KATNIP: variants seen among roughly 807,000 people sequenced by gnomAD.
KATNIP encodes the protein katanin-interacting protein.
In KATNIP, 126 loss-of-function variants were observed where a neutral mutation model predicts 174.0. The ratio of observed to expected loss-of-function variants is 0.72; its 90% CI spans 0.63 to 0.84. KATNIP has a LOEUF of 0.84. Ranked by LOEUF, KATNIP falls within the 40% of genes least tolerant of loss-of-function variation. KATNIP has a pLI of 0.00. For missense variants in KATNIP, 1,958 were observed against 2,109.7 expected (o/e 0.93, Z 1.41); for synonymous variants, 810 against 835.7 (o/e 0.97, Z 0.53).
rs117282772 is a variant in KATNIP, at chr16:27,695,064, C to T, written c.941-3264C>T. On this transcript the variant is annotated intron_variant, in intron 8 of 27. Coordinates refer to ENST00000261588, the MANE Select transcript of KATNIP (RefSeq NM_015202.5). ...AACTCCTCTCTTCCTATCCCATCCA[C>T]AGCTGGACTGTTAGGAAGTCCTATT... 7.2e-5 allele frequency among the ~76,000 whole-genome samples: 11 copies of T among 152,352 alleles called. No individual in the cohort carries two copies. In the East Asian group the frequency reaches 2.1e-3, roughly 29 times the overall value.
intron 6 of KATNIP, among the ~76,000 whole-genome samples, chr16:27,655,177 G>GATATATATATAT (rs869205308): frequency 5.2e-5 from 2 of 38,548 alleles, no homozygotes; most frequent in Non-Finnish European, 1.2e-4. Context: ...CCCTAGAATG[G>GATATATATATAT]ATATATATAT....
intron 2 of KATNIP, among the ~76,000 whole-genome samples, chr16:27,614,021 A>G (rs533712973): frequency 2.6e-5 from 4 of 151,288 alleles, no homozygotes; most frequent in African/African-American, 7.3e-5. Flanking sequence ...GACTCAAGCA[A>G]CCCTCCTCCT....
chr16:27,612,447 C>G (rs1393419225), intron 2 of KATNIP, among the ~76,000 whole-genome samples: 2 of 152,122 alleles, frequency 1.3e-5, no homozygotes, highest in South Asian at 2.1e-4. Flanking sequence ...TGAGCATTAC[C>G]TGGGAGCTCA....
At chr16:27,667,471 G>A (rs956997581) in intron 6 of KATNIP, among the ~76,000 whole-genome samples, 7 of 152,162 alleles carry the variant, frequency 4.6e-5, no homozygotes, top group African/African-American at 1.4e-4. Flanking sequence ...AGAAGTTAGT[G>A]GGAATTATCA....
At chr16:27,560,824 C>T (rs539583709) in intron 1 of KATNIP, among the ~76,000 whole-genome samples, 1 of 152,270 alleles carries the variant, frequency 6.6e-6, no homozygotes, top group East Asian at 1.9e-4. Flanking sequence ...CAGCACCTGG[C>T]ACAAGGACTG....
intron 1 of KATNIP, among the ~76,000 whole-genome samples, chr16:27,557,987 G>GT (rs1457885449): frequency 6.6e-6 from 1 of 152,124 alleles, no homozygotes; most frequent in Admixed American, 6.5e-5. Flanking sequence ...CTTTAAGAGG[G>GT]AGGTGGGCCT....
intron 18 of KATNIP, chr16:27,754,538 G>A (rs2081643409): frequency 2.6e-6 from 1 of 389,114 alleles, no homozygotes; most frequent in African/African-American, 2.1e-5. Context: ...CCATGACCCT[G>A]ACCCAGGAGG....
chr16:27,560,769 T>C (rs2089849444), intron 1 of KATNIP, among the ~76,000 whole-genome samples: 1 of 152,178 alleles, frequency 6.6e-6, no homozygotes. Flanking sequence ...TCTATGCTTT[T>C]CTCCCTCTTT....
rs779374812 is a variant in KATNIP at position 27,778,667 on chromosome 16, G to A, written c.*38G>A. 6.9e-6 allele frequency: 11 copies of A among 1,599,430 alleles called. No homozygotes were observed. The South Asian group carries it at 1.2e-4, about 18-fold the overall frequency. ...GGAGAGCTGGTCCTCCCACTATGGT[G>A]GGCTCCGTCAGCAGCCCCACTCAGT... On this transcript the variant is annotated 3_prime_UTR_variant, in exon 28 of 28. Coordinates refer to ENST00000261588, the MANE Select transcript of KATNIP (RefSeq NM_015202.5).
chr16:27,734,455 T>C (rs1404158424), intron 14 of KATNIP, among the ~76,000 whole-genome samples: 2 of 150,068 alleles, frequency 1.3e-5, no homozygotes, highest in African/African-American at 4.9e-5. Flanking sequence ...TCCCAGCACT[T>C]TGGGAGGGCG....
chr16:27,570,374 G>A (rs1012627852), intron 1 of KATNIP, among the ~76,000 whole-genome samples: 2 of 151,914 alleles, frequency 1.3e-5, no homozygotes, highest in Non-Finnish European at 1.5e-5. Context: ...GACCAGCCTA[G>A]CCAACATGGT....
chr16:27,619,811 C>T (rs1457939864), intron 3 of KATNIP, among the ~76,000 whole-genome samples: 1 of 152,186 alleles, frequency 6.6e-6, no homozygotes, highest in Non-Finnish European at 1.5e-5. Context: ...ACAACAGTGT[C>T]CTCTGTGCCC....
intron 6 of KATNIP, 118 bp from the exon 7 acceptor site, chr16:27,677,611 A>C: frequency 9.4e-7 from 1 of 1,064,624 alleles, no homozygotes; most frequent in South Asian, 1.7e-5. Context: ...GGGTTGAGAT[A>C]ATATTGTTAA....
intron 2 of KATNIP, among the ~76,000 whole-genome samples, chr16:27,585,288 T>G (rs972742490): frequency 6.6e-6 from 1 of 152,176 alleles, no homozygotes; most frequent in Non-Finnish European, 1.5e-5. Flanking sequence ...AAACAAATAC[T>G]GGCGAGGATA....
At chr16:27,726,418 A>G in intron 14 of KATNIP, among the ~76,000 whole-genome samples, 1 of 152,198 alleles carries the variant, frequency 6.6e-6, no homozygotes, top group Non-Finnish European at 1.5e-5. Flanking sequence ...GTGGCTGTTG[A>G]GAATTTCACA....
chr16:27,720,496 C>CTTTTTT (rs56263804), intron 13 of KATNIP, among the ~76,000 whole-genome samples: 1 of 124,572 alleles, frequency 8.0e-6, no homozygotes, highest in Non-Finnish European at 1.6e-5. Flanking sequence ...GGGTTTTGTT[C>CTTTTTT]TTTTTTTTTT....
intron 14 of KATNIP, among the ~76,000 whole-genome samples, chr16:27,735,344 C>T (rs2080860554): frequency 6.6e-6 from 1 of 152,230 alleles, no homozygotes; most frequent in Non-Finnish European, 1.5e-5. Context: ...GGAAGCCGGC[C>T]ACCCTATTAG....
intron 27 of KATNIP, among the ~76,000 whole-genome samples, 174 bp from the exon 28 acceptor site, chr16:27,778,400 G>C (rs1233243155): frequency 6.6e-6 from 1 of 152,216 alleles, no homozygotes; most frequent in Admixed American, 6.5e-5. Flanking sequence ...TGTTGTGGCA[G>C]AGCCTGCTCC....
intron 5 of KATNIP, among the ~76,000 whole-genome samples, chr16:27,640,440 C>T (rs1017282122): frequency 2.6e-5 from 4 of 152,166 alleles, no homozygotes; most frequent in Non-Finnish European, 4.4e-5. Context: ...GGAGGTGAGC[C>T]TTCCGTGTGG....
Sources: gnomAD v4.1 joint callset for allele counts (sites outside exome capture counted in the v4.1 genomes callset) on GRCh38, gnomAD v4.1.1 for gene constraint, MANE v1.5 for transcripts, NCBI Gene and HGNC (gene_info 2026-07-23, HGNC 2026-07-21) for gene names.